Variants in CLSTN1 observed in about 807,000 individuals in gnomAD.
CLSTN1 encodes the protein calsyntenin 1.
A neutral mutation model predicts 108.3 loss-of-function variants in CLSTN1; 28 were observed. That is an observed-to-expected ratio of 0.26 (90% CI 0.19 to 0.35). CLSTN1 has a LOEUF of 0.35. Ranked by LOEUF, CLSTN1 falls within the 10% of genes least tolerant of loss-of-function variation. CLSTN1 has a pLI of 1.00. For synonymous variants in CLSTN1, 524 were observed against 534.9 expected (o/e 0.98, Z 0.28); for missense variants, 1,157 against 1,302.6 (o/e 0.89, Z 1.72).
intron 2 of CLSTN1, among the ~76,000 whole-genome samples, chr1:9,758,760 C>T (rs949763353): frequency 1.3e-5 from 2 of 152,108 alleles, no homozygotes; most frequent in Non-Finnish European, 2.9e-5. Context: ...CATTGCCTGG[C>T]GGAAAGAGAG....
intron 1 of CLSTN1, among the ~76,000 whole-genome samples, chr1:9,801,172 G>T (rs1654247096): frequency 6.6e-6 from 1 of 152,140 alleles, no homozygotes; most frequent in African/African-American, 2.4e-5. Context: ...CTTGACCCAG[G>T]CGGCGGAGGT....
intron 2 of CLSTN1, among the ~76,000 whole-genome samples, chr1:9,768,296 C>G (rs1246708829): frequency 7.8e-6 from 1 of 128,868 alleles, no homozygotes; most frequent in Non-Finnish European, 1.6e-5. Context: ...ATCATGGGGG[C>G]GGGGTTCTGT....
Position 9,730,822 on chromosome 1 carries a change from AGCGACAGAGCAGCCAGGACG to A in CLSTN1, c.2749-137_2749-118del. On this transcript the variant is annotated intron_variant, in intron 18 of 18. Transcript: ENST00000377298. The surrounding 1 kb of genome is among the most constrained non-coding windows in gnomAD (Gnocchi z 5.6). ...AACTTGCCCCAGCGTCTCCCTCCCC[AGCGACAGAGCAGCCAGGACG>A]GCACCGGAAGTTATATTAGAAGTGA... 17 of 970,240 alleles carry A rather than the reference AGCGACAGAGCAGCCAGGACG, an allele frequency of 1.8e-5. No individual in the cohort carries two copies. The Admixed American group carries it at 3.2e-4, about 18-fold the overall frequency. The allele number at this position is 970,240 out of a possible 1,614,324, so 60.1% of individuals were successfully genotyped here. A position where few individuals can be genotyped will look rare whatever the true frequency, so the allele number is the denominator to read the frequency against.
At chr1:9,820,737 C>A (rs1655161722) in intron 1 of CLSTN1, among the ~76,000 whole-genome samples, 1 of 152,074 alleles carries the variant, frequency 6.6e-6, no homozygotes. Flanking sequence ...AAAGCAGATA[C>A]CCTTCCATCT....
chr1:9,805,523 T>C (rs1186583119), intron 1 of CLSTN1, among the ~76,000 whole-genome samples: 1 of 152,214 alleles, frequency 6.6e-6, no homozygotes, highest in Non-Finnish European at 1.5e-5. Context: ...ATGCCAGTCT[T>C]CTTACTAAGT....
At chr1:9,793,990 G>A (rs1364274232) in intron 1 of CLSTN1, among the ~76,000 whole-genome samples, 2 of 151,326 alleles carry the variant, frequency 1.3e-5, no homozygotes, top group Admixed American at 6.7e-5. Context: ...GAACTCTCCC[G>A]CTCCAACTTC....
chr1:9,805,866 C>CAA (rs56899514), intron 1 of CLSTN1, among the ~76,000 whole-genome samples: 867 of 74,686 alleles, frequency 0.012, 19 homozygotes, highest in African/African-American at 0.032. Context: ...GACTCTGTCT[C>CAA]AAAAAAAAAA....
intron 2 of CLSTN1, among the ~76,000 whole-genome samples, chr1:9,768,344 C>T (rs1341035651): frequency 8.1e-4 from 69 of 84,892 alleles, no homozygotes; most frequent in African/African-American, 1.3e-3. Flanking sequence ...CTATGTTGGG[C>T]GGCACCATGG....
At chr1:9,791,603 C>G (rs1653773849) in intron 1 of CLSTN1, among the ~76,000 whole-genome samples, 1 of 151,150 alleles carries the variant, frequency 6.6e-6, no homozygotes, top group African/African-American at 2.4e-5. Flanking sequence ...ACAGCCTCAG[C>G]TCACTGCAAC....
intron 1 of CLSTN1, among the ~76,000 whole-genome samples, chr1:9,791,617 C>T (rs1234705472): frequency 3.3e-5 from 5 of 151,164 alleles, no homozygotes; most frequent in African/African-American, 7.3e-5. Flanking sequence ...CTGCAACCTC[C>T]GCCTTCTGGG....
Position 9,733,537 on chromosome 1 carries a change from G to GT in CLSTN1, c.2290dup (p.Thr764AsnfsTer24), listed in dbSNP as rs1650519594. 1 of 1,613,910 alleles carries GT rather than the reference G, an allele frequency of 6.2e-7. No homozygotes were observed. Among genetic ancestry groups the GT allele is most frequent in the African/African-American group, 1.3e-5 (1 of 74,924 alleles). On this transcript the variant is annotated frameshift_variant, in exon 16 of 19. Transcript: ENST00000377298. LOFTEE classifies it high-confidence loss of function. ...CAAAACCTCCTCGTAGCTGGCCATG[G>GT]TGTCCACGCCTGCAGGGGTTGAAAG... is the stretch of plus-strand genomic sequence containing the variant.
chr1:9,730,521 G>A lies in CLSTN1; in HGVS notation c.2933C>T (p.Thr978Ile). ...CGGGGGCACGGGTCAGTAGCTGAGG[G>A]TGGAGTCATCCCACTCCAGCTGCTG... Reference protein sequence around the residue: ...RQQQLEWDDSTLSY With the variant: ...RQQQLEWDDSILSY The change falls in exon 19 of 19, where the codon ACC (threonine) becomes ATC (isoleucine). Residue 978 changes from threonine to isoleucine, a missense_variant. Transcript: ENST00000377298. This position sits in a 1 kb window ranked among gnomAD's most constrained non-coding sequence, Gnocchi z 5.6. The A allele has an allele frequency of 1.9e-6, 3 of 1,604,270 alleles. No individual in the cohort carries two copies. Among genetic ancestry groups the A allele is most frequent in the Non-Finnish European group, 2.5e-6 (3 of 1,179,670 alleles).
intron 1 of CLSTN1, among the ~76,000 whole-genome samples, chr1:9,808,304 A>G (rs924667602): frequency 6.6e-6 from 1 of 152,232 alleles, no homozygotes; most frequent in Non-Finnish European, 1.5e-5. Flanking sequence ...AAGGCTCAAC[A>G]GCACTGTACT....
chr1:9,788,565 C>A (rs1307225462), intron 1 of CLSTN1, among the ~76,000 whole-genome samples: 3 of 146,624 alleles, frequency 2.0e-5, no homozygotes, highest in Non-Finnish European at 3.0e-5. Flanking sequence ...GAGACTGTTT[C>A]CAAAAAAAAA....
intron 3 of CLSTN1, 134 bp downstream of exon 3, chr1:9,756,347 T>C: frequency 2.8e-6 from 2 of 709,066 alleles, no homozygotes. Context: ...TACTTTAAAA[T>C]AGAAACAAAG....
intron 1 of CLSTN1, among the ~76,000 whole-genome samples, chr1:9,791,419 G>A (rs568433689): frequency 6.6e-6 from 1 of 151,450 alleles, no homozygotes; most frequent in South Asian, 2.2e-4. Context: ...TTTTTGTAGA[G>A]AAGGCGGTCT....
intron 1 of CLSTN1, among the ~76,000 whole-genome samples, chr1:9,782,192 T>G (rs1160224771): frequency 1.3e-5 from 2 of 152,210 alleles, no homozygotes; most frequent in Non-Finnish European, 2.9e-5. Flanking sequence ...AATTTAAACT[T>G]CTAGAAACTT....
At chr1:9,780,241 T>A (rs1183853187) in intron 1 of CLSTN1, among the ~76,000 whole-genome samples, 1 of 152,190 alleles carries the variant, frequency 6.6e-6, no homozygotes, top group African/African-American at 2.4e-5. Context: ...CTTCATACTT[T>A]AAGGTTTTAT....
In CLSTN1 at chr1:9,787,020, G is replaced by A. The variant is rs1001779519; in HGVS notation, c.92-13626C>T. ...AGGATGCCAGGAGAGTCCCAAGAAC[G>A]AAGTTGGGGGTGAAGAGGTGGCTGC... On this transcript the variant is annotated intron_variant, in intron 1 of 18. Coordinates refer to ENST00000377298, the MANE Select transcript of CLSTN1 (RefSeq NM_001009566.3). Among the ~76,000 whole-genome samples the A allele has an allele frequency of 1.3e-5, 2 of 151,402 alleles. 1 individual carries two copies. Among genetic ancestry groups the A allele is most frequent in the Admixed American group, 1.3e-4 (2 of 14,934 alleles).
Sources: allele counts gnomAD v4.1 joint callset (sites outside exome capture counted in the v4.1 genomes callset), GRCh38; gene constraint gnomAD v4.1.1; non-coding constraint Gnocchi (gnomAD v3.1); transcripts MANE v1.5; gene names NCBI Gene and HGNC (gene_info 2026-07-23, HGNC 2026-07-21).